Variants in FRMD1 observed in about 807,000 individuals in gnomAD.
The protein encoded by FRMD1 is FERM domain-containing protein 1.
FRMD1 carries 51 observed loss-of-function variants against 54.9 expected under a neutral mutation model. The ratio of observed to expected loss-of-function variants is 0.93; its 90% CI spans 0.74 to 1.17. The LOEUF (loss-of-function observed/expected upper bound fraction) is 1.17, where lower values mean the gene tolerates loss of function less well. Ranked by LOEUF, FRMD1 falls within the 50% of genes most tolerant of loss-of-function variation. The pLI is 0.00. For synonymous variants in FRMD1, 324 were observed against 306.4 expected (o/e 1.06, Z -0.60); for missense variants, 729 against 743.0 (o/e 0.98, Z 0.22).
chr6:168,088,693 G>A (rs1487420595), intron 1 of FRMD1, among the ~76,000 whole-genome samples: 2 of 152,016 alleles, frequency 1.3e-5, no homozygotes, highest in East Asian at 1.9e-4. Flanking sequence ...AGGCTACCCT[G>A]TCACTCCTGT....
At chr6:168,089,557 C>A (rs1282527251) in intron 1 of FRMD1, among the ~76,000 whole-genome samples, 1 of 152,230 alleles carries the variant, frequency 6.6e-6, no homozygotes, top group Admixed American at 6.5e-5. Context: ...TTATCACGCA[C>A]ACTGTTTACC....
At chr6:168,084,973 C>T (rs533084372), upstream of FRMD1, among the ~76,000 whole-genome samples, 3 of 152,202 alleles carry the variant, frequency 2.0e-5, no homozygotes, top group South Asian at 6.2e-4. Flanking sequence ...GCGGGACCCA[C>T]TGCAGGCCCC....
rs753679132 is a variant in FRMD1, at chr6:168,061,816, C to T, written c.1036G>A (p.Glu346Lys). Residue 346 changes from glutamate to lysine, a missense_variant, in exon 8 of 11, where the codon GAG (glutamate) becomes AAG (lysine). By Grantham distance (56) the Glu-to-Lys change is moderately conservative. Coordinates refer to ENST00000283309, the MANE Select transcript of FRMD1 (RefSeq NM_024919.6). ...CCCAGCCCAGCCCCACCTTCTGCCTCCTCCCGCTGCCGCAGCTGTTGCAGA... is the reference window on the plus strand; with the variant it reads ...CCCAGCCCAGCCCCACCTTCTGCCTTCTCCCGCTGCCGCAGCTGTTGCAGA... Reference protein sequence around the residue: ...PTLQQLRQREEAEEKQHYRES... With the variant: ...PTLQQLRQREKAEEKQHYRES... 9.0e-6 allele frequency: 14 copies of T among 1,554,744 alleles called. No individual in the cohort carries two copies. The African/African-American group carries it at 1.5e-4, about 17-fold the overall frequency.
At chr6:168,067,121 A>G (rs769153822) in intron 3 of FRMD1, 137 of 703,950 alleles carry the variant, frequency 1.9e-4, no homozygotes, top group Non-Finnish European at 3.2e-4. Context: ...GCCCCTCTGG[A>G]CGGAGCAGCT....
At position 168,072,154 on chromosome 6, in the gene FRMD1, C is replaced by T. The variant is rs148971446; in HGVS notation, c.304+3091G>A. On this transcript the variant is annotated intron_variant, in intron 2 of 10. Coordinates refer to ENST00000283309, the MANE Select transcript of FRMD1 (RefSeq NM_024919.6). ...ATAAACCGGGAGAATCCTTGGCCAC[C>T]GGGAACCTGCCCCGCCTGGGTGATG... is the stretch of plus-strand genomic sequence containing the variant. Among the ~76,000 whole-genome samples the T allele has an allele frequency of 5.3e-5, 8 of 152,332 alleles. No homozygotes were observed. The East Asian group carries it at 5.8e-4, about 11-fold the overall frequency.
chr6:168,067,114 C>G, intron 3 of FRMD1: 2 of 704,588 alleles, frequency 2.8e-6, no homozygotes, highest in Non-Finnish European at 5.2e-6. Flanking sequence ...GCGGACAGCC[C>G]CTCTGGACGG....
chr6:168,061,804 C>A lies in FRMD1; in HGVS notation c.1045+3G>T. 2 of 1,549,694 alleles carry A rather than the reference C, an allele frequency of 1.3e-6. No homozygotes were observed. Among genetic ancestry groups the A allele is most frequent in the Non-Finnish European group, 1.7e-6 (2 of 1,148,218 alleles). On this transcript the variant is annotated splice_donor_region_variant and intron_variant, in intron 8 of 10. Coordinates refer to ENST00000283309, the MANE Select transcript of FRMD1 (RefSeq NM_024919.6). ...GAGCCCAGCATACCCAGCCCAGCCC[C>A]ACCTTCTGCCTCCTCCCGCTGCCGC...
At chr6:168,087,240 G>A (rs1239381230) in intron 1 of FRMD1, among the ~76,000 whole-genome samples, 1 of 152,018 alleles carries the variant, frequency 6.6e-6, no homozygotes, top group Admixed American at 6.6e-5. Flanking sequence ...CTAATGTTTT[G>A]TATTTTTTGG....
chr6:168,063,057 A>G, intron 6 of FRMD1, 98 bp from the exon 7 acceptor site: 2 of 998,240 alleles, frequency 2.0e-6, no homozygotes, highest in Admixed American at 1.7e-5. Flanking sequence ...CGAGGGCTCC[A>G]TGGACCAGGC....
chr6:168,067,837 C>T (rs892980373), intron 2 of FRMD1, among the ~76,000 whole-genome samples: 18 of 152,050 alleles, frequency 1.2e-4, no homozygotes, highest in African/African-American at 3.9e-4. Flanking sequence ...GGGTTGGATG[C>T]GGTGGCTCAA....
At position 168,055,131 on chromosome 6, in the gene FRMD1, C is replaced by G. The variant is rs924901124; in HGVS notation, c.*1966G>C. On this transcript the variant is annotated 3_prime_UTR_variant, in exon 11 of 11. Coordinates refer to ENST00000283309, the MANE Select transcript of FRMD1 (RefSeq NM_024919.6). ...CCCCAGTGGGGCCAGAGAAGCTTCT[C>G]GGGTCAGCCAGGGGCCATGGCTGCC... 1.3e-5 allele frequency: 2 copies of G among 152,340 alleles called. No homozygotes were observed. Among genetic ancestry groups the G allele is most frequent in the South Asian group, 4.1e-4 (2 of 4,824 alleles). The allele number at this position is 152,340 out of a possible 1,614,324, so 9.4% of individuals were successfully genotyped here.
intron 1 of FRMD1, among the ~76,000 whole-genome samples, chr6:168,088,830 C>A (rs182106474): frequency 6.0e-4 from 26 of 43,320 alleles, no homozygotes; most frequent in Admixed American, 5.2e-3. Flanking sequence ...AACACATGCG[C>A]TACTAACCAG....
At chr6:168,087,386 T>C (rs1374844095) in intron 1 of FRMD1, among the ~76,000 whole-genome samples, 1 of 152,230 alleles carries the variant, frequency 6.6e-6, no homozygotes, top group Non-Finnish European at 1.5e-5. Flanking sequence ...CCTTTTTATG[T>C]GAGAAATTTT....
chr6:168,067,291 C>T, intron 3 of FRMD1, 76 bp downstream of exon 3: 2 of 958,862 alleles, frequency 2.1e-6, no homozygotes, highest in East Asian at 4.9e-5. Context: ...CTGCTCTCTC[C>T]CACCCCACGT....
chr6:168,072,155 G>A (rs908010453), intron 2 of FRMD1, among the ~76,000 whole-genome samples: 13 of 152,164 alleles, frequency 8.5e-5, no homozygotes, highest in African/African-American at 1.9e-4. Flanking sequence ...CTTGGCCACC[G>A]GGAACCTGCC....
At position 168,057,161 on chromosome 6, in the gene FRMD1, C is replaced by A. The variant is rs201689691; in HGVS notation, c.1586G>T (p.Arg529Met). The change falls in exon 11 of 11, where the codon AGG (arginine) becomes ATG (methionine). Residue 529 changes from arginine to methionine, a missense_variant. Transcript: ENST00000283309. Reference sequence around the variant, plus strand: ...GTCCAGGGCGAGACAGTTGCTGGACCTCTTGCTGGGGAGAGTGGCCCTGGT... The same window carrying A: ...GTCCAGGGCGAGACAGTTGCTGGACATCTTGCTGGGGAGAGTGGCCCTGGT... ...CETRATLPSK[R>M]SSNCLALDLF... 4.4e-6 allele frequency: 7 copies of A among 1,576,250 alleles called. No individual in the cohort carries two copies. The East Asian group carries it at 1.6e-4, about 36-fold the overall frequency.
rs1799703114 is a variant in FRMD1 at position 168,061,052 on chromosome 6, G to C, written c.1051C>G (p.Gln351Glu). 6.2e-7 allele frequency: 1 copy of C among 1,607,040 alleles called. No individual in the cohort carries two copies. The highest frequency in any genetic ancestry group is 1.1e-5 in the South Asian group (1 of 90,956). ...CTGATATAGGACTCCCGGTAGTGCT[G>C]CTTCTCTGTGGGGAGTGGGGAGCAC... ...LRQREEAEEK[Q>E]HYRESYISDE... The change falls in exon 9 of 11, where the codon CAG becomes GAG. Residue 351 changes from glutamine to glutamate, a missense_variant. Physicochemically the swap from Gln to Glu is conservative, Grantham distance 29. Coordinates refer to ENST00000283309, the MANE Select transcript of FRMD1 (RefSeq NM_024919.6).
At chr6:168,067,172 C>G (rs570753787) in intron 3 of FRMD1, 195 bp downstream of exon 3, 1 of 691,454 alleles carries the variant, frequency 1.4e-6, no homozygotes, top group South Asian at 1.5e-5. Flanking sequence ...CACAGTCCAC[C>G]GCGGTGCCTG....
intron 2 of FRMD1, among the ~76,000 whole-genome samples, chr6:168,072,490 T>C (rs1404738295): frequency 4.6e-5 from 7 of 152,208 alleles, no homozygotes; most frequent in Non-Finnish European, 8.8e-5. Flanking sequence ...GGGGCGTTTC[T>C]CGCCTTGGGA....
Sources: gnomAD v4.1 joint callset for allele counts (sites outside exome capture counted in the v4.1 genomes callset) on GRCh38, gnomAD v4.1.1 for gene constraint, MANE v1.5 for transcripts, NCBI Gene and HGNC (gene_info 2026-07-23, HGNC 2026-07-21) for gene names.